FRAS1: variants seen among roughly 807,000 people sequenced by gnomAD.
The protein encoded by FRAS1 is Fraser extracellular matrix complex subunit 1.
FRAS1 carries 290 observed loss-of-function variants against 435.2 expected under a neutral mutation model. The ratio of observed to expected loss-of-function variants is 0.67; its 90% CI spans 0.61 to 0.73. The LOEUF is 0.73. Ranked by LOEUF, FRAS1 falls within the 30% of genes least tolerant of loss-of-function variation. The pLI is 0.00. For missense variants in FRAS1, 4,860 were observed against 5,001.5 expected (o/e 0.97, Z 0.85); for synonymous variants, 1,800 against 1,851.0 (o/e 0.97, Z 0.71).
chr4:78,384,732 G>A (rs113316150), intron 28 of FRAS1, among the ~76,000 whole-genome samples: 1 of 133,130 alleles, frequency 7.5e-6, no homozygotes. Flanking sequence ...CGTCTATACC[G>A]AAACAAAAAA....
At chr4:78,079,210 G>A (rs150844081) in intron 2 of FRAS1, among the ~76,000 whole-genome samples, 407 of 152,102 alleles carry the variant, frequency 2.7e-3, no homozygotes, top group African/African-American at 9.4e-3. Flanking sequence ...TCTGTGATTG[G>A]GGTCTCATAA....
In FRAS1 at chr4:78,499,927, T is replaced by C; in HGVS notation, c.9316+6T>C. 1.3e-6 allele frequency: 2 copies of C among 1,529,850 alleles called. No homozygotes were observed. The highest frequency in any genetic ancestry group is 1.4e-5 in the African/African-American group (1 of 73,454). The allele number at this position is 1,529,850 out of a possible 1,614,324, so 94.8% of individuals were successfully genotyped here. Reference sequence around the variant, plus strand: ...AGTCTTGAAGTTCAGTCCCGGTAATTGAATGCCAACCTCAATCTGTGGGTT... The same window carrying C: ...AGTCTTGAAGTTCAGTCCCGGTAATCGAATGCCAACCTCAATCTGTGGGTT... On this transcript the variant is annotated splice_donor_region_variant and intron_variant, in intron 61 of 73. Coordinates refer to ENST00000512123, the MANE Select transcript of FRAS1 (RefSeq NM_025074.7).
At chr4:78,398,060 AG>A (rs1461637391) in intron 29 of FRAS1, among the ~76,000 whole-genome samples, 1 of 152,060 alleles carries the variant, frequency 6.6e-6, no homozygotes, top group African/African-American at 2.4e-5. Flanking sequence ...TGTGAAAATT[AG>A]TGTTCTGTAC....
intron 2 of FRAS1, among the ~76,000 whole-genome samples, chr4:78,163,216 T>A (rs1424731494): frequency 2.0e-5 from 3 of 152,206 alleles, no homozygotes; most frequent in Non-Finnish European, 4.4e-5. Flanking sequence ...TTATTCCACA[T>A]TTTCACATTC....
chr4:78,299,143 T>A (rs1054124979), intron 14 of FRAS1, among the ~76,000 whole-genome samples: 4 of 152,198 alleles, frequency 2.6e-5, no homozygotes, highest in Non-Finnish European at 5.9e-5. Context: ...GATGGGCACA[T>A]GGCACATGTA....
At chr4:78,243,039 C>G (rs1167063888) in intron 3 of FRAS1, among the ~76,000 whole-genome samples, 1 of 152,132 alleles carries the variant, frequency 6.6e-6, no homozygotes, top group African/African-American at 2.4e-5. Flanking sequence ...AGAAGCTATC[C>G]TGTCTAAGGA....
At chr4:78,375,607 C>T in intron 25 of FRAS1, 132 bp from the exon 26 acceptor site, 2 of 690,182 alleles carry the variant, frequency 2.9e-6, no homozygotes, top group South Asian at 2.3e-5. Context: ...GGGAAACTGT[C>T]AGTATTCTCT....
At chr4:78,473,658 G>C (rs1022821644) in intron 53 of FRAS1, 61 bp downstream of exon 53, 3 of 1,363,540 alleles carry the variant, frequency 2.2e-6, no homozygotes, top group Admixed American at 4.1e-5. Flanking sequence ...AGGGAGTCAG[G>C]ATGAAGGATG....
At chr4:78,301,340 T>C (rs888118957) in intron 14 of FRAS1, among the ~76,000 whole-genome samples, 1 of 151,742 alleles carries the variant, frequency 6.6e-6, no homozygotes, top group Non-Finnish European at 1.5e-5. Flanking sequence ...TAGGTCATTC[T>C]GCAAAAGTGC....
intron 18 of FRAS1, among the ~76,000 whole-genome samples, chr4:78,323,715 G>A (rs1341394634): frequency 6.6e-6 from 1 of 152,044 alleles, no homozygotes; most frequent in East Asian, 1.9e-4. Flanking sequence ...GCCCAGGGAT[G>A]GACAGACAGA....
intron 2 of FRAS1, among the ~76,000 whole-genome samples, chr4:78,186,838 C>T (rs1199009298): frequency 2.0e-5 from 3 of 152,210 alleles, no homozygotes; most frequent in African/African-American, 7.2e-5. Context: ...CATTCTGCTG[C>T]TCTGCTATGT....
At position 78,413,006 on chromosome 4, in the gene FRAS1, G is replaced by A; in HGVS notation, c.4346G>A (p.Ser1449Asn). The change falls in exon 32 of 74, where the codon AGC becomes AAC. Residue 1449 changes from serine (S) to asparagine (N), a missense_variant. Transcript: ENST00000512123. The stretch of plus-strand genomic sequence containing the variant: ...TCCAATGCCCAGACCCGCCTGGAGA[G>A]CCACATGTTCAACATCGCGATCTTA... ...SASNAQTRLE[S>N]HMFNIAILPQ... The A allele has an allele frequency of 6.2e-7, 1 of 1,609,464 alleles. No individual in the cohort carries two copies. Among genetic ancestry groups the A allele is most frequent in the Non-Finnish European group, 8.5e-7 (1 of 1,178,116 alleles).
chr4:78,434,369 A>T (rs1232488031), intron 38 of FRAS1, among the ~76,000 whole-genome samples: 2 of 152,176 alleles, frequency 1.3e-5, no homozygotes, highest in Non-Finnish European at 2.9e-5. Context: ...GTTAAAATGG[A>T]TGGATCTTAA....
chr4:78,382,963 T>C (rs894720305), intron 27 of FRAS1, among the ~76,000 whole-genome samples: 1 of 152,240 alleles, frequency 6.6e-6, no homozygotes, highest in Admixed American at 6.5e-5. Context: ...TTCTTTCATG[T>C]ATAAATAGTA....
chr4:78,086,823 C>T (rs1741206180), intron 2 of FRAS1, among the ~76,000 whole-genome samples: 1 of 152,170 alleles, frequency 6.6e-6, no homozygotes, highest in South Asian at 2.1e-4. Context: ...GATGGATTCA[C>T]AGCCGAATTC....
intron 2 of FRAS1, among the ~76,000 whole-genome samples, chr4:78,079,129 G>C (rs1293167195): frequency 6.6e-6 from 1 of 152,144 alleles, no homozygotes; most frequent in African/African-American, 2.4e-5. Context: ...CATTTCTGAG[G>C]TAATGTTAAG....
In FRAS1 at chr4:78,265,115, T is replaced by C; in HGVS notation, c.687+7T>C. 1 of 1,602,478 alleles carries C rather than the reference T, an allele frequency of 6.2e-7. No individual in the cohort carries two copies. The highest frequency in any genetic ancestry group is 2.2e-5 in the East Asian group (1 of 44,820). On this transcript the variant is annotated splice_region_variant and intron_variant, in intron 7 of 73. Coordinates refer to ENST00000512123, the MANE Select transcript of FRAS1 (RefSeq NM_025074.7). ...AGCTGGCCAAGTATACGAGGTAAGC[T>C]TTCATGCTCCCCATGTAGGTGTTTT...
At chr4:78,181,108 T>G (rs547954412) in intron 2 of FRAS1, 2 of 1,567,948 alleles carry the variant, frequency 1.3e-6, no homozygotes, top group East Asian at 4.5e-5. Context: ...TCTTCACTCT[T>G]TGATTTATGA....
intron 56 of FRAS1, among the ~76,000 whole-genome samples, chr4:78,480,489 A>AG (rs1719980506): frequency 6.6e-6 from 1 of 152,166 alleles, no homozygotes; most frequent in Non-Finnish European, 1.5e-5. Context: ...TGTGGTCCAG[A>AG]GGGAGGGCCT....
Sources: allele counts gnomAD v4.1 joint callset (sites outside exome capture counted in the v4.1 genomes callset), GRCh38; gene constraint gnomAD v4.1.1; transcripts MANE v1.5; gene names NCBI Gene and HGNC (gene_info 2026-07-23, HGNC 2026-07-21).